NR5A2: variants seen among roughly 807,000 people sequenced by gnomAD.
The protein encoded by NR5A2 is CYP7A promoter-binding factor.
In NR5A2, 26 loss-of-function variants were observed where a neutral mutation model predicts 62.7. That is an observed-to-expected ratio of 0.41 (90% CI 0.30 to 0.58). The LOEUF (loss-of-function observed/expected upper bound fraction) is 0.58, where lower values mean the gene tolerates loss of function less well. Among genes scored for constraint, NR5A2 ranks in the 20% least tolerant of loss-of-function variants. NR5A2 has a pLI of 0.22. For missense variants in NR5A2, 541 were observed against 669.1 expected (o/e 0.81, Z 2.11); for synonymous variants, 246 against 241.7 (o/e 1.02, Z -0.16).
At chr1:200,049,519 CTA>C (rs1662532539) in intron 5 of NR5A2, among the ~76,000 whole-genome samples, 1 of 151,994 alleles carries the variant, frequency 6.6e-6, no homozygotes, top group Non-Finnish European at 1.5e-5. Flanking sequence ...GTATAGGGAT[CTA>C]TGTTTAAATT....
intron 5 of NR5A2, among the ~76,000 whole-genome samples, chr1:200,063,930 C>A (rs1663347171): frequency 6.6e-6 from 1 of 152,160 alleles, no homozygotes; most frequent in African/African-American, 2.4e-5. Context: ...AGGAGGATCA[C>A]CTGAGTTCAG....
At chr1:200,063,804 C>T (rs1663340492) in intron 5 of NR5A2, among the ~76,000 whole-genome samples, 1 of 152,214 alleles carries the variant, frequency 6.6e-6, no homozygotes, top group Non-Finnish European at 1.5e-5. Flanking sequence ...CATTTATTCA[C>T]TCACACATTC....
chr1:200,143,589 A>G (rs901010076), intron 7 of NR5A2, among the ~76,000 whole-genome samples: 1 of 151,158 alleles, frequency 6.6e-6, no homozygotes, highest in Non-Finnish European at 1.5e-5. Flanking sequence ...AACACCCTTC[A>G]GAAGCTGGAC....
At position 200,111,336 on chromosome 1, in the gene NR5A2, C is replaced by CAA. The variant is rs76894039; in HGVS notation, c.1230+29_1230+30dup. ...CTGGGCAACAAGTGAGTGTAGAGAC[C>CAA]AAAAAAAAAAAAAAAGCATCTTTTT... is the stretch of plus-strand genomic sequence containing the variant. On this transcript the variant is annotated intron_variant, in intron 6 of 7. Transcript: ENST00000367362. 115,239 of 1,383,324 alleles carry CAA rather than the reference C, an allele frequency of 0.083. 1,856 individuals carry two copies. The highest frequency in any genetic ancestry group is 0.13 in the African/African-American group (8,059 of 60,784). The allele number at this position is 1,383,324 out of a possible 1,614,324, so 85.7% of individuals were successfully genotyped here.
At position 200,048,469 on chromosome 1, in the gene NR5A2, G is replaced by C. The variant is rs752945055; in HGVS notation, c.761G>C (p.Ser254Thr). Residue 254 changes from serine to threonine, a missense_variant, in exon 5 of 8, where the codon AGC (serine) becomes ACC (threonine). Physicochemically the swap from Ser to Thr is moderately conservative, Grantham distance 58. Coordinates refer to ENST00000367362, the MANE Select transcript of NR5A2 (RefSeq NM_205860.3). This position sits in a 1 kb window ranked among gnomAD's most constrained non-coding sequence, Gnocchi z 4.8. ...PISMTMPPHG[S>T]LQGYQTYGHF... ...AGCATGACAATGCCCCCTCACGGCA[G>C]CCTGCAAGGTTACCAAACATATGGC... The C allele has an allele frequency of 6.2e-7, 1 of 1,614,186 alleles. No homozygotes were observed. Among genetic ancestry groups the C allele is most frequent in the Non-Finnish European group, 8.5e-7 (1 of 1,180,046 alleles).
intron 7 of NR5A2, among the ~76,000 whole-genome samples, chr1:200,126,550 TA>T (rs934446737): frequency 5.9e-5 from 9 of 151,772 alleles, no homozygotes; most frequent in African/African-American, 1.9e-4. Context: ...AATAATTAGC[TA>T]AAAAAAATGC....
At chr1:200,069,538 G>A (rs569002443) in intron 5 of NR5A2, among the ~76,000 whole-genome samples, 3 of 152,248 alleles carry the variant, frequency 2.0e-5, no homozygotes, top group Admixed American at 6.5e-5. Flanking sequence ...ACAGGCGTGA[G>A]CCACCACACT....
At chr1:200,045,021 T>C (rs945653826) in intron 3 of NR5A2, among the ~76,000 whole-genome samples, 1 of 152,192 alleles carries the variant, frequency 6.6e-6, no homozygotes, top group Non-Finnish European at 1.5e-5. Context: ...TATTCAGTTT[T>C]TTCCACTGGC....
At chr1:200,106,231 G>T (rs1014241877) in intron 5 of NR5A2, among the ~76,000 whole-genome samples, 3 of 151,952 alleles carry the variant, frequency 2.0e-5, no homozygotes, top group Non-Finnish European at 4.4e-5. Flanking sequence ...CTAATTTTTT[G>T]TATTTTTAGT....
intron 5 of NR5A2, among the ~76,000 whole-genome samples, chr1:200,073,710 A>G (rs945457871): frequency 1.3e-5 from 2 of 151,960 alleles, no homozygotes; most frequent in Non-Finnish European, 2.9e-5. Context: ...CCACACACAC[A>G]CACATATGCA....
Position 200,039,992 on chromosome 1 carries a change from C to T in NR5A2, c.202+197C>T, listed in dbSNP as rs1661990737. ...TGAACAATGCGGGGCAGAGGTTTTT[C>T]CAAGCAACGTCTAATTGGCCGCTTC... On this transcript the variant is annotated intron_variant, in intron 2 of 7. Coordinates refer to ENST00000367362, the MANE Select transcript of NR5A2 (RefSeq NM_205860.3). The surrounding 1 kb of genome is among the most constrained non-coding windows in gnomAD (Gnocchi z 5.1). 1.3e-5 allele frequency among the ~76,000 whole-genome samples: 2 copies of T among 152,124 alleles called. No homozygotes were observed. The highest frequency in any genetic ancestry group is 2.4e-5 in the African/African-American group (1 of 41,438).
chr1:200,045,720 A>G (rs1662329110), intron 4 of NR5A2, 136 bp downstream of exon 4: 3 of 632,148 alleles, frequency 4.7e-6, no homozygotes, highest in Non-Finnish European at 7.4e-6. Context: ...AGATCTTTCT[A>G]TGTTTCATCT....
intron 1 of NR5A2, among the ~76,000 whole-genome samples, chr1:200,036,933 A>G (rs1289201763): frequency 6.6e-6 from 1 of 152,180 alleles, no homozygotes; most frequent in Admixed American, 6.5e-5. Flanking sequence ...TTTTTAAAGC[A>G]TGGATTTTTA....
In NR5A2 at chr1:200,067,228, G is replaced by A. The variant is rs1663524263; in HGVS notation, c.1110+18410G>A. Among the ~76,000 whole-genome samples, 2 of 152,304 alleles carry A rather than the reference G, an allele frequency of 1.3e-5. 1 individual carries two copies. The highest frequency in any genetic ancestry group is 4.1e-4 in the South Asian group (2 of 4,828). ...CCATTATCCTTAGCAAAGGAACACA[G>A]GAACAGAAAACCAAATACCTCATAT... On this transcript the variant is annotated intron_variant, in intron 5 of 7. Coordinates refer to ENST00000367362, the MANE Select transcript of NR5A2 (RefSeq NM_205860.3).
At chr1:200,045,315 A>G (rs769860213) in intron 3 of NR5A2, 128 bp from the exon 4 acceptor site, 89 of 719,902 alleles carry the variant, frequency 1.2e-4, no homozygotes, top group Non-Finnish European at 1.6e-4. Flanking sequence ...TGTAAAATAA[A>G]CCACAGAACC....
In NR5A2 at chr1:200,039,549, C is replaced by T. The variant is rs551220303; in HGVS notation, c.65-109C>T. Reference sequence around the variant, plus strand: ...GCTCAGAGGTCCTGCCCGGCAGCCCCGAGGAGGCGGAGGCACGCTCCGGCG... The same window carrying T: ...GCTCAGAGGTCCTGCCCGGCAGCCCTGAGGAGGCGGAGGCACGCTCCGGCG... On this transcript the variant is annotated intron_variant, in intron 1 of 7. Transcript: ENST00000367362. The surrounding 1 kb of genome is among the most constrained non-coding windows in gnomAD (Gnocchi z 5.1). The T allele has an allele frequency of 8.7e-4, 1,328 of 1,529,446 alleles. 23 individuals are homozygous for T. In the South Asian group the frequency reaches 0.014, roughly 16 times the overall value. 94.7% of individuals were successfully genotyped at this position (1,529,446 alleles called of 1,614,324 possible). A position where few individuals can be genotyped will look rare whatever the true frequency, so the allele number is the denominator to read the frequency against.
At chr1:200,087,230 C>G (rs1664592872) in intron 5 of NR5A2, among the ~76,000 whole-genome samples, 1 of 132,868 alleles carries the variant, frequency 7.5e-6, no homozygotes, top group Non-Finnish European at 1.6e-5. Context: ...ACACATACAC[C>G]CTTCTTCACC....
intron 5 of NR5A2, among the ~76,000 whole-genome samples, chr1:200,076,485 C>T (rs1664045481): frequency 1.3e-5 from 2 of 151,236 alleles, no homozygotes; most frequent in Admixed American, 6.6e-5. Flanking sequence ...GCAGGCTAAC[C>T]GTATCTTATT....
intron 5 of NR5A2, among the ~76,000 whole-genome samples, chr1:200,075,886 G>GTTTTCTCTTCTTTTC (rs1664007368): frequency 1.3e-5 from 2 of 150,368 alleles, no homozygotes; most frequent in African/African-American, 2.5e-5. Flanking sequence ...AAGCTCTTCT[G>GTTTTCTCTTCTTTTC]TTTTCTTTTC....
Sources: gnomAD v4.1 joint callset for allele counts (sites outside exome capture counted in the v4.1 genomes callset) on GRCh38, gnomAD v4.1.1 for gene constraint, Gnocchi (gnomAD v3.1) non-coding constraint, MANE v1.5 for transcripts, NCBI Gene and HGNC (gene_info 2026-07-23, HGNC 2026-07-21) for gene names.